MAP2K5: variants seen among roughly 807,000 people sequenced by gnomAD.
MAP2K5 encodes mitogen-activated protein kinase kinase 5.
A neutral mutation model predicts 83.1 loss-of-function variants in MAP2K5; 49 were observed. The observed-to-expected ratio is 0.59, with a 90% CI of 0.47 to 0.75. The LOEUF is 0.75. Among genes scored for constraint, MAP2K5 ranks in the 30% least tolerant of loss-of-function variants. The probability of loss-of-function intolerance (pLI) is 0.00; values close to 1 mark genes in which losing one functional copy is unlikely to be tolerated. For synonymous variants in MAP2K5, 202 were observed against 191.8 expected (o/e 1.05, Z -0.44); for missense variants, 457 against 557.5 (o/e 0.82, Z 1.82).
chr15:67,671,353 T>C (rs542407662), intron 13 of MAP2K5, among the ~76,000 whole-genome samples: 1 of 152,324 alleles, frequency 6.6e-6, no homozygotes, highest in East Asian at 1.9e-4. Context: ...AGGTGCTTAA[T>C]GTATATAAAT....
At position 67,587,553 on chromosome 15, in the gene MAP2K5, G is replaced by A. The variant is rs923849101; in HGVS notation, c.431+640G>A. Among the ~76,000 whole-genome samples, 25 of 152,204 alleles carry A rather than the reference G, an allele frequency of 1.6e-4. No individual in the cohort carries two copies. The highest frequency in any genetic ancestry group is 4.3e-4 in the African/African-American group (18 of 41,516). ...AAATCTCTTACTGAACATCCCTGTC[G>A]GAGGAATGCACTTTATCAGCCAACG... On this transcript the variant is annotated intron_variant, in intron 6 of 21. Transcript: ENST00000178640. The surrounding 1 kb of genome is among the most constrained non-coding windows in gnomAD (Gnocchi z 4.8).
At chr15:67,568,242 A>C (rs1381433500) in intron 3 of MAP2K5, among the ~76,000 whole-genome samples, 1 of 152,186 alleles carries the variant, frequency 6.6e-6, no homozygotes, top group Non-Finnish European at 1.5e-5. Flanking sequence ...ATTTAAGTGA[A>C]GTGTAAGTAT....
chr15:67,627,004 C>G (rs1383805345), intron 8 of MAP2K5, among the ~76,000 whole-genome samples: 1 of 86,032 alleles, frequency 1.2e-5, no homozygotes, highest in Non-Finnish European at 3.2e-5. Flanking sequence ...GAGATCATAG[C>G]TCACTGCAGC....
At chr15:67,691,285 A>G (rs1367043538) in intron 13 of MAP2K5, among the ~76,000 whole-genome samples, 1 of 152,270 alleles carries the variant, frequency 6.6e-6, no homozygotes, top group Non-Finnish European at 1.5e-5. Context: ...AATGTCAGTT[A>G]TCAGGCTAAC....
At chr15:67,697,407 C>A (rs992572802) in intron 15 of MAP2K5, among the ~76,000 whole-genome samples, 2 of 152,172 alleles carry the variant, frequency 1.3e-5, no homozygotes, top group Non-Finnish European at 2.9e-5. Flanking sequence ...AAGTGACTTA[C>A]CCAAGTTCAC....
intron 19 of MAP2K5, among the ~76,000 whole-genome samples, chr15:67,766,510 G>A (rs1419262103): frequency 6.6e-6 from 1 of 152,100 alleles, no homozygotes; most frequent in Non-Finnish European, 1.5e-5. Flanking sequence ...GGCATTTTTG[G>A]GAAGTAGCAG....
rs1323384526 is a variant in MAP2K5, at chr15:67,774,051, A to G, written c.1242+1299A>G. 6.6e-6 allele frequency among the ~76,000 whole-genome samples: 1 copy of G among 152,216 alleles called. No individual in the cohort carries two copies. The highest frequency in any genetic ancestry group is 2.4e-5 in the African/African-American group (1 of 41,458). On this transcript the variant is annotated intron_variant, in intron 21 of 21. Transcript: ENST00000178640. The surrounding 1 kb of genome is among the most constrained non-coding windows in gnomAD (Gnocchi z 4.9). ...ACATCTGCAGATCACACATACGCCC[A>G]TAAATGTATATGGATGTATATGTTG...
rs1203880850 is a variant in MAP2K5, at chr15:67,755,094, C to T, written c.1134+6493C>T. Among the ~76,000 whole-genome samples the T allele has an allele frequency of 6.6e-6, 1 of 152,152 alleles. No homozygotes were observed. The highest frequency in any genetic ancestry group is 1.5e-5 in the Non-Finnish European group (1 of 68,020). The stretch of plus-strand genomic sequence containing the variant: ...GGTTCATGCAATCCTCCCACCTCAG[C>T]CTCCCAAGTAACTAGGATTACAGGT... On this transcript the variant is annotated intron_variant, in intron 19 of 21. Coordinates refer to ENST00000178640, the MANE Select transcript of MAP2K5 (RefSeq NM_145160.3). This position sits in a 1 kb window ranked among gnomAD's most constrained non-coding sequence, Gnocchi z 4.7.
chr15:67,771,354 T>C (rs2090138619), intron 20 of MAP2K5, among the ~76,000 whole-genome samples: 1 of 152,198 alleles, frequency 6.6e-6, no homozygotes, highest in Non-Finnish European at 1.5e-5. Context: ...TAATCTTATC[T>C]CGCTGTGTGG....
intron 12 of MAP2K5, among the ~76,000 whole-genome samples, chr15:67,663,434 T>A (rs913375617): frequency 5.9e-5 from 9 of 152,370 alleles, no homozygotes; most frequent in South Asian, 4.1e-4. Context: ...ATTTTTACCT[T>A]GACCTAAACA....
In MAP2K5 at chr15:67,748,251, T is replaced by C. The variant is rs1360370907; in HGVS notation, c.1095T>C (p.Ser365=). The change falls in exon 18 of 22, where the codon TCT becomes TCC. Residue 365 remains serine (S), a synonymous_variant. Coordinates refer to ENST00000178640, the MANE Select transcript of MAP2K5 (RefSeq NM_145160.3). This position sits in a 1 kb window ranked among gnomAD's most constrained non-coding sequence, Gnocchi z 4.0. Reference sequence around the variant, plus strand: ...TTCAGATTCAGAAAAACCAGGGATCTTTAATGGTAAGCTTTATGAGTTCAG... The same window carrying C: ...TTCAGATTCAGAAAAACCAGGGATCCTTAATGGTAAGCTTTATGAGTTCAG... ...PYPQIQKNQG[S]LMPLQLLQCI... 10 of 1,608,398 alleles carry C rather than the reference T, an allele frequency of 6.2e-6. No homozygotes were observed. The highest frequency in any genetic ancestry group is 8.5e-6 in the Non-Finnish European group (10 of 1,175,330).
At chr15:67,711,847 C>T (rs754489069) in intron 16 of MAP2K5, among the ~76,000 whole-genome samples, 1 of 152,162 alleles carries the variant, frequency 6.6e-6, no homozygotes, top group South Asian at 2.1e-4. Context: ...ATTGGTGGGA[C>T]GAGATATGTG....
At chr15:67,704,145 TAGA>T (rs1307588640) in intron 16 of MAP2K5, among the ~76,000 whole-genome samples, 1 of 152,232 alleles carries the variant, frequency 6.6e-6, no homozygotes, top group East Asian at 1.9e-4. Flanking sequence ...TAACTTATAT[TAGA>T]AGGACATATG....
rs2089925831 is a variant in MAP2K5 at position 67,760,395 on chromosome 15, T to G, written c.1135-9207T>G. Among the ~76,000 whole-genome samples, 1 of 152,238 alleles carries G rather than the reference T, an allele frequency of 6.6e-6. No homozygotes were observed. The highest frequency in any genetic ancestry group is 6.5e-5 in the Admixed American group (1 of 15,286). On this transcript the variant is annotated intron_variant, in intron 19 of 21. Transcript: ENST00000178640. The surrounding 1 kb of genome is among the most constrained non-coding windows in gnomAD (Gnocchi z 4.1). ...AAGTCACTTGAAGTAAAAAAAAGTT[T>G]TTTTAAACACACAATTATATAAAAT...
chr15:67,678,966 A>AG (rs1225731123), intron 13 of MAP2K5, among the ~76,000 whole-genome samples: 1 of 150,184 alleles, frequency 6.7e-6, no homozygotes, highest in Non-Finnish European at 1.5e-5. Context: ...GCATCTCAAA[A>AG]AAAAAAAAAA....
At chr15:67,689,855 T>C (rs187877240) in intron 13 of MAP2K5, among the ~76,000 whole-genome samples, 1 of 152,322 alleles carries the variant, frequency 6.6e-6, no homozygotes, top group East Asian at 1.9e-4. Flanking sequence ...GTTCAAAATA[T>C]TTGTTCATTA....
rs538340577 is a variant in MAP2K5, at chr15:67,740,354, G to T, written c.1075-7877G>T. On this transcript the variant is annotated intron_variant, in intron 17 of 21. Transcript: ENST00000178640. ...CTGAGGCTCTAAATCAATTGTTTTG[G>T]CCCCTTTCTTTTCTTCCATGTCCCA... Among the ~76,000 whole-genome samples, 703 of 152,244 alleles carry T rather than the reference G, an allele frequency of 4.6e-3. 4 individuals carry two copies. The highest frequency in any genetic ancestry group is 6.9e-3 in the Non-Finnish European group (472 of 68,022).
In MAP2K5 at chr15:67,587,753, A is replaced by G. The variant is rs895125604; in HGVS notation, c.431+840A>G. On this transcript the variant is annotated intron_variant, in intron 6 of 21. Coordinates refer to ENST00000178640, the MANE Select transcript of MAP2K5 (RefSeq NM_145160.3). The surrounding 1 kb of genome is among the most constrained non-coding windows in gnomAD (Gnocchi z 4.8). ...GTCTTCCCTCCAAACACAGTTCTAGATTTTCTGTCTCAGTAAATTCTCCCA... is the reference window on the plus strand; with the variant it reads ...GTCTTCCCTCCAAACACAGTTCTAGGTTTTCTGTCTCAGTAAATTCTCCCA... 1.3e-5 allele frequency among the ~76,000 whole-genome samples: 2 copies of G among 152,006 alleles called. No individual in the cohort carries two copies. Among genetic ancestry groups the G allele is most frequent in the Non-Finnish European group, 2.9e-5 (2 of 68,004 alleles).
chr15:67,657,073 G>A (rs2087102354), intron 11 of MAP2K5, among the ~76,000 whole-genome samples: 1 of 152,162 alleles, frequency 6.6e-6, no homozygotes, highest in Non-Finnish European at 1.5e-5. Context: ...TAGCCATATG[G>A]ATAGTTAAGG....
Sources: allele counts gnomAD v4.1 joint callset (sites outside exome capture counted in the v4.1 genomes callset), GRCh38; gene constraint gnomAD v4.1.1; non-coding constraint Gnocchi (gnomAD v3.1); transcripts MANE v1.5; gene names NCBI Gene and HGNC (gene_info 2026-07-23, HGNC 2026-07-21).